Variants in NCAM2 observed in about 807,000 individuals in gnomAD.
NCAM2 encodes N-CAM-2.
Under a neutral mutation model 98.1 loss-of-function variants are expected in NCAM2, and 30 were observed. The ratio of observed to expected loss-of-function variants is 0.31; its 90% CI spans 0.23 to 0.41. The LOEUF is 0.41. NCAM2 is among the 10% of genes least tolerant of loss of function. NCAM2 has a pLI of 1.00. For synonymous variants in NCAM2, 368 were observed against 342.4 expected, an observed-to-expected ratio of 1.07 and a Z score of -0.83; for missense variants, 867 against 1,005.8, an observed-to-expected ratio of 0.86 and a Z score of 1.87.
chr21:21,352,809 A>G (rs1307440120), intron 8 of NCAM2, among the ~76,000 whole-genome samples: 1 of 146,494 alleles, frequency 6.8e-6, no homozygotes, highest in Non-Finnish European at 1.5e-5. Flanking sequence ...AGTATAAAAA[A>G]AAAAAGATTA....
intron 1 of NCAM2, among the ~76,000 whole-genome samples, chr21:21,122,361 A>G (rs540432239): frequency 6.6e-6 from 1 of 152,208 alleles, no homozygotes; most frequent in South Asian, 2.1e-4. Context: ...GAGTTTTATG[A>G]AACAATCTAG....
intron 1 of NCAM2, among the ~76,000 whole-genome samples, chr21:21,236,857 T>C (rs1470574734): frequency 6.6e-6 from 1 of 152,048 alleles, no homozygotes; most frequent in Non-Finnish European, 1.5e-5. Flanking sequence ...ACAATATCAC[T>C]AGGAACAAAA....
intron 15 of NCAM2, among the ~76,000 whole-genome samples, chr21:21,487,340 A>AAT (rs1986473267): frequency 1.3e-5 from 2 of 152,134 alleles, no homozygotes; most frequent in Non-Finnish European, 2.9e-5. Flanking sequence ...CTGGTAAGCA[A>AAT]GACATAAAAA....
chr21:21,051,552 G>T (rs967195321), intron 1 of NCAM2, among the ~76,000 whole-genome samples: 8 of 152,152 alleles, frequency 5.3e-5, no homozygotes, highest in South Asian at 4.1e-4. Context: ...TTGCAACTCA[G>T]GTTTCTTAGG....
chr21:21,089,821 G>C (rs1480170433), intron 1 of NCAM2, among the ~76,000 whole-genome samples: 1 of 152,150 alleles, frequency 6.6e-6, no homozygotes, highest in Non-Finnish European at 1.5e-5. Flanking sequence ...TATTTCTTCT[G>C]AGTTTATACG....
At chr21:21,137,486 T>C (rs2067081736) in intron 1 of NCAM2, among the ~76,000 whole-genome samples, 1 of 152,158 alleles carries the variant, frequency 6.6e-6, no homozygotes, top group Non-Finnish European at 1.5e-5. Flanking sequence ...ATATGATTTA[T>C]AAAAAATGTT....
At chr21:21,504,857 C>T (rs1987876695) in intron 15 of NCAM2, among the ~76,000 whole-genome samples, 2 of 151,652 alleles carry the variant, frequency 1.3e-5, no homozygotes, top group Non-Finnish European at 1.5e-5. Flanking sequence ...ACTTTTGATA[C>T]AGGCATACAA....
chr21:21,293,947 ATTG>A (rs538671769), intron 5 of NCAM2, among the ~76,000 whole-genome samples: 10 of 151,678 alleles, frequency 6.6e-5, no homozygotes, highest in African/African-American at 2.2e-4. Flanking sequence ...ATTTCCTATT[ATTG>A]TTATTATATA....
intron 14 of NCAM2, among the ~76,000 whole-genome samples, chr21:21,475,455 T>C (rs1444430098): frequency 6.6e-6 from 1 of 152,172 alleles, no homozygotes. Flanking sequence ...ATCAATTAAC[T>C]GAATAAATAA....
intron 8 of NCAM2, among the ~76,000 whole-genome samples, chr21:21,367,387 A>T (rs566100980): frequency 6.6e-6 from 1 of 152,010 alleles, no homozygotes; most frequent in South Asian, 2.1e-4. Context: ...TTATTATAGC[A>T]GTTGTCTCCT....
At chr21:21,226,157 CG>C (rs2070373876) in intron 1 of NCAM2, among the ~76,000 whole-genome samples, 1 of 151,772 alleles carries the variant, frequency 6.6e-6, no homozygotes, top group South Asian at 2.1e-4. Context: ...ATTTCAAAAG[CG>C]GGGAGAGAAG....
rs192967873 is a variant in NCAM2 at position 21,168,029 on chromosome 21, G to A, written c.56-112549G>A. ...AAAAAAAACTACAGTCCAACATAGC[G>A]CATAAACATAGACGCAAAAATCCTC... On this transcript the variant is annotated intron_variant, in intron 1 of 17. Coordinates refer to ENST00000400546, the MANE Select transcript of NCAM2 (RefSeq NM_004540.5). Among the ~76,000 whole-genome samples, 1,118 of 151,974 alleles carry A rather than the reference G, an allele frequency of 7.4e-3. 8 individuals are homozygous for A. Among genetic ancestry groups the A allele is most frequent in the Non-Finnish European group, 0.011 (764 of 67,938 alleles).
chr21:21,364,142 CTA>C (rs1330760350), intron 8 of NCAM2, among the ~76,000 whole-genome samples: 1 of 151,930 alleles, frequency 6.6e-6, no homozygotes, highest in Non-Finnish European at 1.5e-5. Flanking sequence ...TAGGTTGTTT[CTA>C]TGTCTCTATA....
intron 16 of NCAM2, among the ~76,000 whole-genome samples, chr21:21,524,362 G>T (rs1163771634): frequency 6.6e-6 from 1 of 151,532 alleles, no homozygotes; most frequent in Non-Finnish European, 1.5e-5. Flanking sequence ...AGAAATACAG[G>T]TGTCCACCTT....
At chr21:21,517,099 A>G (rs1988755159) in intron 16 of NCAM2, among the ~76,000 whole-genome samples, 1 of 152,132 alleles carries the variant, frequency 6.6e-6, no homozygotes, top group African/African-American at 2.4e-5. Flanking sequence ...TTACTCCCAA[A>G]TTATTTTCTG....
At chr21:21,133,997 C>T (rs2066989078) in intron 1 of NCAM2, among the ~76,000 whole-genome samples, 1 of 151,302 alleles carries the variant, frequency 6.6e-6, no homozygotes, top group African/African-American at 2.4e-5. Flanking sequence ...TTTCTGGTTC[C>T]TTTGAATTTC....
At position 21,465,594 on chromosome 21, in the gene NCAM2, G is replaced by C. The variant is rs185554259; in HGVS notation, c.1655-1012G>C. On this transcript the variant is annotated intron_variant, in intron 12 of 17. Transcript: ENST00000400546. ...TAATATTAATAAATTATATTACAATGTTATTGCATGTATATCATTTCTGGT... is the reference window on the plus strand; with the variant it reads ...TAATATTAATAAATTATATTACAATCTTATTGCATGTATATCATTTCTGGT... Among the ~76,000 whole-genome samples, 1,446 of 151,794 alleles carry C rather than the reference G, an allele frequency of 9.5e-3. 11 individuals are homozygous for C. Among genetic ancestry groups the C allele is most frequent in the Non-Finnish European group, 0.016 (1,088 of 67,902 alleles).
In NCAM2 at chr21:21,336,601, G is replaced by T. The variant is rs890882961; in HGVS notation, c.898+936G>T. On this transcript the variant is annotated intron_variant, in intron 7 of 17. Coordinates refer to ENST00000400546, the MANE Select transcript of NCAM2 (RefSeq NM_004540.5). ...GGACCAGTGTTTGCAGTTGACAGGTGCAGAGTGCCCCTTACACTGACCATG... is the reference window on the plus strand; with the variant it reads ...GGACCAGTGTTTGCAGTTGACAGGTTCAGAGTGCCCCTTACACTGACCATG... Among the ~76,000 whole-genome samples, 3 of 152,084 alleles carry T rather than the reference G, an allele frequency of 2.0e-5. No homozygotes were observed. In the South Asian group the frequency reaches 6.2e-4, roughly 32 times the overall value.
chr21:21,464,633 G>T (rs552053809), intron 12 of NCAM2, among the ~76,000 whole-genome samples: 44 of 152,040 alleles, frequency 2.9e-4, no homozygotes, highest in African/African-American at 9.9e-4. Flanking sequence ...CTGACTTTCA[G>T]CAGAGGCTTT....
Sources: allele counts gnomAD v4.1 joint callset (sites outside exome capture counted in the v4.1 genomes callset), GRCh38; gene constraint gnomAD v4.1.1; transcripts MANE v1.5; gene names NCBI Gene and HGNC (gene_info 2026-07-23, HGNC 2026-07-21).